ERC2: variants seen among roughly 807,000 people sequenced by gnomAD.
ERC2 encodes ERC protein 2.
A neutral mutation model predicts 114.8 loss-of-function variants in ERC2; 42 were observed. That is an observed-to-expected ratio of 0.37 (90% CI 0.29 to 0.47). The LOEUF (loss-of-function observed/expected upper bound fraction) is 0.47, where lower values mean the gene tolerates loss of function less well. Among genes scored for constraint, ERC2 ranks in the 20% least tolerant of loss-of-function variants. The pLI is 0.99. For synonymous variants in ERC2, 454 were observed against 425.5 expected, an observed-to-expected ratio of 1.07 and a Z score of -0.82; for missense variants, 939 against 1,150.7, an observed-to-expected ratio of 0.82 and a Z score of 2.66.
chr3:55,810,548 C>T (rs7622193), intron 14 of ERC2, among the ~76,000 whole-genome samples: 8,019 of 151,886 alleles, frequency 0.053, 303 homozygotes, highest in African/African-American at 0.098. Flanking sequence ...CTGCAACCTC[C>T]GCCTCCCAGG....
chr3:55,798,358 G>A (rs963415654), intron 14 of ERC2, among the ~76,000 whole-genome samples: 1 of 152,192 alleles, frequency 6.6e-6, no homozygotes, highest in East Asian at 1.9e-4. Context: ...CAGCACTTTC[G>A]GAGGCCGAGG....
chr3:56,425,560 C>CTTTTTTTTTTT (rs67210393), intron 2 of ERC2, among the ~76,000 whole-genome samples: 1 of 124,000 alleles, frequency 8.1e-6, no homozygotes, highest in Non-Finnish European at 1.6e-5. Context: ...GACCCTTTTT[C>CTTTTTTTTTTT]TTTTTTTTTT....
At chr3:56,152,716 A>G (rs138276547) in intron 4 of ERC2, among the ~76,000 whole-genome samples, 268 of 152,340 alleles carry the variant, frequency 1.8e-3, no homozygotes, top group African/African-American at 6.0e-3. Context: ...TGCTTCAGTT[A>G]GGAAAAAAGA....
chr3:56,234,261 G>A (rs2050802662), intron 3 of ERC2, among the ~76,000 whole-genome samples: 1 of 152,172 alleles, frequency 6.6e-6, no homozygotes, highest in African/African-American at 2.4e-5. Context: ...CTCAGGTCCT[G>A]TACATCTCAG....
At chr3:55,637,161 T>C (rs917361648) in intron 17 of ERC2, among the ~76,000 whole-genome samples, 2 of 152,226 alleles carry the variant, frequency 1.3e-5, no homozygotes, top group African/African-American at 4.8e-5. Context: ...CCTCCTGGAA[T>C]GCTCCCCTTC....
At position 55,673,804 on chromosome 3, in the gene ERC2, G is replaced by GT. The variant is rs10575865; in HGVS notation, c.*39+9989dup. Among the ~76,000 whole-genome samples, 337 of 113,750 alleles carry GT rather than the reference G, an allele frequency of 3.0e-3. 1 individual carries two copies. Among genetic ancestry groups the GT allele is most frequent in the African/African-American group, 9.5e-3 (302 of 31,942 alleles). The allele number at this position is 113,750 out of a possible 152,430, so 74.6% of individuals were successfully genotyped here. ...GGGAGACTCCCTTTTTAATTACCAA[G>GT]TTTTTTTTTTTTTTTTTTTTTTTAG... On this transcript the variant is annotated intron_variant, in intron 17 of 17. Transcript: ENST00000288221.
At chr3:55,820,331 C>T (rs147277175) in intron 14 of ERC2, among the ~76,000 whole-genome samples, 27 of 152,192 alleles carry the variant, frequency 1.8e-4, no homozygotes, top group East Asian at 9.7e-4. Flanking sequence ...TAGCTCAGAA[C>T]GGGAGTGGAC....
chr3:55,855,999 A>G (rs1363595431), intron 14 of ERC2, among the ~76,000 whole-genome samples: 4 of 152,218 alleles, frequency 2.6e-5, no homozygotes, highest in Non-Finnish European at 5.9e-5. Flanking sequence ...CTGTCAAAGT[A>G]GAGATGAACA....
intron 2 of ERC2, among the ~76,000 whole-genome samples, chr3:56,321,941 C>T (rs1204437274): frequency 6.6e-6 from 1 of 152,214 alleles, no homozygotes; most frequent in Non-Finnish European, 1.5e-5. Flanking sequence ...TTTTTAAATG[C>T]TGCTATAATC....
chr3:55,661,432 C>G (rs1427093393), intron 17 of ERC2, among the ~76,000 whole-genome samples: 1 of 152,196 alleles, frequency 6.6e-6, no homozygotes, highest in East Asian at 1.9e-4. Flanking sequence ...TTCCTTTTAT[C>G]ACAGCCTCGT....
intron 17 of ERC2, among the ~76,000 whole-genome samples, chr3:55,623,428 C>A (rs1325318822): frequency 6.6e-6 from 1 of 152,158 alleles, no homozygotes; most frequent in Non-Finnish European, 1.5e-5. Context: ...ATCAGTATGT[C>A]AGTATGTTCA....
intron 12 of ERC2, among the ~76,000 whole-genome samples, chr3:55,964,192 C>T (rs2068583671): frequency 6.6e-6 from 1 of 152,206 alleles, no homozygotes. Flanking sequence ...AATGAAACAA[C>T]ATCCTTACAT....
chr3:55,799,435 CCTT>C (rs1156778076), intron 14 of ERC2, among the ~76,000 whole-genome samples: 16 of 71,314 alleles, frequency 2.2e-4, no homozygotes, highest in Middle Eastern at 8.2e-3. Context: ...TATATATATG[CCTT>C]ATATATATAT....
At chr3:55,954,505 C>T (rs76377390) in intron 12 of ERC2, among the ~76,000 whole-genome samples, 248 of 152,274 alleles carry the variant, frequency 1.6e-3, no homozygotes, top group Non-Finnish European at 2.8e-3. Flanking sequence ...TCTAGAATTA[C>T]ATAGCTAGGA....
Position 55,992,230 on chromosome 3 carries a change from G to C in ERC2, c.2082C>G (p.Asp694Glu). The C allele has an allele frequency of 6.2e-7, 1 of 1,613,400 alleles. No homozygotes were observed. Among genetic ancestry groups the C allele is most frequent in the South Asian group, 1.1e-5 (1 of 90,980 alleles). ...CTGCAAACTCAGGGTTCATCCTGGA[G>C]TCATCTTCAATATTATGTGCCTTCA... ...QLKKAHNIED[D>E]SRMNPEFADQ... is the part of the protein sequence containing the mutation. Residue 694 changes from aspartate to glutamate, a missense_variant, in exon 11 of 18, where the codon GAC (aspartate) becomes GAG (glutamate). Asp to Glu is a conservative substitution (Grantham distance 45). Around this residue, in one of 5 missense-constraint regions of ERC2, gnomAD observed 328 missense variants for 353.9 expected, o/e 0.93. Coordinates refer to ENST00000288221, the MANE Select transcript of ERC2 (RefSeq NM_015576.3).
intron 14 of ERC2, among the ~76,000 whole-genome samples, chr3:55,873,693 C>G (rs906869739): frequency 6.6e-6 from 1 of 152,318 alleles, no homozygotes; most frequent in East Asian, 1.9e-4. Flanking sequence ...ACTGAGCAAA[C>G]AGAAGGCAAG....
rs34065880 is a variant in ERC2, at chr3:56,429,329, G to A, written c.657+5022C>T. Among the ~76,000 whole-genome samples the A allele has an allele frequency of 4.9e-3, 753 of 152,212 alleles. 5 individuals carry two copies. The highest frequency in any genetic ancestry group is 7.5e-3 in the Non-Finnish European group (513 of 68,016). ...ACTAAAAATAATAAGGGGCTACCTC[G>A]CGTAACAGTGTAGTATGGCAGCAGA... On this transcript the variant is annotated intron_variant, in intron 2 of 17. Coordinates refer to ENST00000288221, the MANE Select transcript of ERC2 (RefSeq NM_015576.3).
chr3:56,369,443 ACT>A (rs2059277219), intron 2 of ERC2, among the ~76,000 whole-genome samples: 1 of 151,980 alleles, frequency 6.6e-6, no homozygotes, highest in African/African-American at 2.4e-5. Context: ...TGACTTTGCT[ACT>A]CTCCCTCTCT....
At chr3:56,366,954 C>A (rs75591821) in intron 2 of ERC2, among the ~76,000 whole-genome samples, 2,949 of 152,254 alleles carry the variant, frequency 0.019, 101 homozygotes, top group African/African-American at 0.068. Flanking sequence ...GCGCAGATTG[C>A]CAGGTCAGCA....
Sources: gnomAD v4.1 joint callset for allele counts (sites outside exome capture counted in the v4.1 genomes callset) on GRCh38, gnomAD v4.1.1 for gene constraint, gnomAD v4.1.1 regional missense constraint, MANE v1.5 for transcripts, NCBI Gene and HGNC (gene_info 2026-07-23, HGNC 2026-07-21) for gene names.